Variants in TTLL11 observed in about 807,000 individuals in gnomAD.
TTLL11 encodes tubulin polyglutamylase TTLL11.
In TTLL11, 42 loss-of-function variants were observed where a neutral mutation model predicts 51.7. The observed-to-expected ratio is 0.81, with a 90% CI of 0.64 to 1.05. The LOEUF is 1.05. TTLL11 is among the 50% of genes least tolerant of loss of function. The pLI, the probability that TTLL11 is intolerant of heterozygous loss-of-function variation, is 0.00. For synonymous variants in TTLL11, 381 were observed against 383.5 expected, an observed-to-expected ratio of 0.99 and a Z score of 0.08; for missense variants, 799 against 940.4, an observed-to-expected ratio of 0.85 and a Z score of 1.97.
At chr9:121,934,556 T>C (rs903238662) in intron 6 of TTLL11, among the ~76,000 whole-genome samples, 5 of 152,214 alleles carry the variant, frequency 3.3e-5, no homozygotes, top group Non-Finnish European at 7.3e-5. Context: ...TTGGCTGTTT[T>C]CCTCGAAGTG....
intron 3 of TTLL11, among the ~76,000 whole-genome samples, chr9:122,006,883 G>A (rs1215414142): frequency 6.7e-6 from 1 of 150,240 alleles, no homozygotes; most frequent in African/African-American, 2.4e-5. Flanking sequence ...CTACTCTGGA[G>A]GCTGAGGCAT....
intron 6 of TTLL11, among the ~76,000 whole-genome samples, chr9:121,951,955 G>A (rs912350180): frequency 6.6e-6 from 1 of 152,178 alleles, no homozygotes; most frequent in East Asian, 1.9e-4. Context: ...GGCGCTGGTG[G>A]GAGTGTAGCA....
intron 1 of TTLL11, among the ~76,000 whole-genome samples, chr9:122,084,363 A>G (rs909082701): frequency 3.3e-5 from 5 of 152,182 alleles, no homozygotes; most frequent in Admixed American, 3.3e-4. Context: ...TGGTTCAGAA[A>G]CACCCAGGGA....
rs115100676 is a variant in TTLL11, at chr9:121,960,905, C to T, written c.1481+13104G>A. Among the ~76,000 whole-genome samples the T allele has an allele frequency of 2.0e-3, 308 of 152,206 alleles. 1 individual carries two copies. The highest frequency in any genetic ancestry group is 0.01 in the Middle Eastern group (3 of 294). On this transcript the variant is annotated intron_variant, in intron 6 of 8. Transcript: ENST00000321582. ...GGGGGTGGATCCTCCTGCTCTGAAC[C>T]GCTCAAATTCCTCCCTCTCCCACCT...
intron 6 of TTLL11, among the ~76,000 whole-genome samples, chr9:121,929,309 G>A (rs182840569): frequency 0.012 from 1,877 of 151,964 alleles, 19 homozygotes; most frequent in African/African-American, 0.022. Context: ...GTGTGGTGGC[G>A]CACACCTGTA....
At chr9:121,872,351 C>A (rs575186364) in intron 6 of TTLL11, among the ~76,000 whole-genome samples, 1 of 152,334 alleles carries the variant, frequency 6.6e-6, no homozygotes, top group African/African-American at 2.4e-5. Flanking sequence ...CATGCCTGCA[C>A]TGCACTGGTT....
chr9:122,054,808 A>G (rs1430653135), intron 1 of TTLL11, among the ~76,000 whole-genome samples: 1 of 152,190 alleles, frequency 6.6e-6, no homozygotes, highest in Non-Finnish European at 1.5e-5. Flanking sequence ...TTCCATATCG[A>G]AACTTTAAAT....
intron 8 of TTLL11, among the ~76,000 whole-genome samples, chr9:121,845,654 C>A (rs988875473): frequency 6.6e-6 from 1 of 152,044 alleles, no homozygotes; most frequent in Non-Finnish European, 1.5e-5. Flanking sequence ...CAGAAGTTCT[C>A]TGTTATAAAG....
Position 121,822,853 on chromosome 9 carries a change from C to T in TTLL11, c.1867G>A (p.Ala623Thr), listed in dbSNP as rs974632187. The change falls in exon 9 of 9, where the codon GCT (alanine) becomes ACT (threonine). Residue 623 changes from alanine to threonine, a missense_variant. Transcript: ENST00000321582. This position sits in a 1 kb window ranked among gnomAD's most constrained non-coding sequence, Gnocchi z 5.8. ...SGMCLQAFVE[A>T]FFFLAQRKFK... ...TTCCTCTGAGCCAGGAAAAAGAAAG[C>T]TTCTACGAAGGCCTGCAGACACATC... 3 of 1,551,180 alleles carry T rather than the reference C, an allele frequency of 1.9e-6. No homozygotes were observed. In the African/African-American group the frequency reaches 4.1e-5, roughly 21 times the overall value.
chr9:122,026,691 T>C (rs1844354916), intron 3 of TTLL11, among the ~76,000 whole-genome samples: 1 of 152,096 alleles, frequency 6.6e-6, no homozygotes, highest in Non-Finnish European at 1.5e-5. Flanking sequence ...ATCTCCTTAC[T>C]AGACACTTAG....
At chr9:122,056,409 A>G (rs1019731691) in intron 1 of TTLL11, among the ~76,000 whole-genome samples, 21 of 152,308 alleles carry the variant, frequency 1.4e-4, no homozygotes, top group Middle Eastern at 3.4e-3. Flanking sequence ...AACACTATGA[A>G]ATAGGTAGAT....
At position 121,870,558 on chromosome 9, in the gene TTLL11, G is replaced by A. The variant is rs373568909; in HGVS notation, c.1672C>T (p.Arg558Trp). ...ATTGTCCCCTTGATGCCCAGGAACC[G>A]GATAAACAAATTTGCCATCCTGTCC... ...LVDRMANLFI[R>W]FLGIKGTMKL... Residue 558 changes from arginine to tryptophan, a missense_variant, in exon 7 of 9, where the codon CGG becomes TGG. By Grantham distance (101) the Arg-to-Trp change is moderately radical. Coordinates refer to ENST00000321582, the MANE Select transcript of TTLL11 (RefSeq NM_001139442.2). The A allele has an allele frequency of 3.6e-5, 56 of 1,551,498 alleles. No individual in the cohort carries two copies. The African/African-American group carries it at 7.0e-4, about 19-fold the overall frequency.
intron 6 of TTLL11, among the ~76,000 whole-genome samples, chr9:121,883,333 G>A (rs1159907883): frequency 1.3e-5 from 2 of 152,130 alleles, no homozygotes; most frequent in Non-Finnish European, 2.9e-5. Flanking sequence ...TAAACAAGGG[G>A]CTGGCACCCT....
intron 8 of TTLL11, among the ~76,000 whole-genome samples, chr9:121,826,519 A>G (rs796911081): frequency 3.5e-4 from 14 of 39,850 alleles, no homozygotes; most frequent in African/African-American, 1.2e-3. Context: ...ATATATGTAT[A>G]TATATATATG....
chr9:121,833,990 G>C lies in TTLL11; in HGVS notation c.1841-11111C>G, dbSNP rs143360845. ...TTACTCACCTAGAAGAGATGTTTCT[G>C]TCTTATCGTACAATTCTAAATGTAT... On this transcript the variant is annotated intron_variant, in intron 8 of 8. Coordinates refer to ENST00000321582, the MANE Select transcript of TTLL11 (RefSeq NM_001139442.2). Among the ~76,000 whole-genome samples the C allele has an allele frequency of 4.6e-3, 700 of 152,180 alleles. 5 individuals are homozygous for C. Among genetic ancestry groups the C allele is most frequent in the African/African-American group, 0.016 (652 of 41,508 alleles).
intron 6 of TTLL11, among the ~76,000 whole-genome samples, chr9:121,912,477 C>T (rs994599700): frequency 3.3e-5 from 5 of 151,794 alleles, no homozygotes; most frequent in Middle Eastern, 3.4e-3. Flanking sequence ...CCCTTCTGCT[C>T]GGAATGCCCC....
At chr9:121,877,650 C>A (rs967461545) in intron 6 of TTLL11, among the ~76,000 whole-genome samples, 1 of 152,198 alleles carries the variant, frequency 6.6e-6, no homozygotes. Context: ...CGCAACAAAA[C>A]ACAATAGCGA....
intron 6 of TTLL11, among the ~76,000 whole-genome samples, chr9:121,913,311 T>C (rs1472755581): frequency 6.6e-6 from 1 of 152,206 alleles, no homozygotes. Flanking sequence ...CTGACGCTAA[T>C]TATTTCTTTA....
intron 7 of TTLL11, among the ~76,000 whole-genome samples, chr9:121,863,669 C>T (rs959491851): frequency 6.6e-6 from 1 of 152,182 alleles, no homozygotes; most frequent in Non-Finnish European, 1.5e-5. Context: ...AATGCAAATG[C>T]CTTAAAAGAA....
Sources: gnomAD v4.1 joint callset for allele counts (sites outside exome capture counted in the v4.1 genomes callset) on GRCh38, gnomAD v4.1.1 for gene constraint, Gnocchi (gnomAD v3.1) non-coding constraint, MANE v1.5 for transcripts, NCBI Gene and HGNC (gene_info 2026-07-23, HGNC 2026-07-21) for gene names.